Variants in GAS2 observed in about 807,000 individuals in gnomAD.
The protein encoded by GAS2 is growth arrest specific 2.
Under a neutral mutation model 37.5 loss-of-function variants are expected in GAS2, and 20 were observed. That is an observed-to-expected ratio of 0.53 (90% CI 0.37 to 0.77). The LOEUF is 0.77. Ranked by LOEUF, GAS2 falls within the 30% of genes least tolerant of loss-of-function variation. The pLI is 0.00. For missense variants in GAS2, 336 were observed against 373.4 expected, an observed-to-expected ratio of 0.90 and a Z score of 0.82; for synonymous variants, 144 against 132.2, an observed-to-expected ratio of 1.09 and a Z score of -0.61.
chr11:22,645,528 C>A lies in GAS2; in HGVS notation c.-21+19715C>A, dbSNP rs573982943. ...AAAAATATATATATATATACACACA[C>A]ACACACATACATATAAAATATATTT... On this transcript the variant is annotated intron_variant, in intron 1 of 5. Transcript: ENST00000528582. 1.8e-3 allele frequency among the ~76,000 whole-genome samples: 278 copies of A among 152,058 alleles called. 1 individual carries two copies. Among genetic ancestry groups the A allele is most frequent in the African/African-American group, 6.2e-3 (258 of 41,496 alleles).
chr11:22,748,914 G>A (rs1418043905), intron 5 of GAS2, among the ~76,000 whole-genome samples: 25 of 151,944 alleles, frequency 1.6e-4, no homozygotes, highest in Admixed American at 7.2e-4. Context: ...ATATGTACAC[G>A]TATGCATACA....
chr11:22,706,846 A>G (rs1352861144), intron 3 of GAS2, among the ~76,000 whole-genome samples: 2 of 152,094 alleles, frequency 1.3e-5, no homozygotes, highest in East Asian at 3.8e-4. Context: ...TTGGGTATAT[A>G]CCCAGTAATA....
intron 7 of GAS2, among the ~76,000 whole-genome samples, chr11:22,803,294 C>T (rs759509034): frequency 3.4e-4 from 52 of 152,066 alleles, no homozygotes; most frequent in Admixed American, 3.3e-4. Context: ...ACGTTTTCTT[C>T]TGAAATAATT....
chr11:22,637,145 T>TATA (rs1410931708), intron 1 of GAS2, among the ~76,000 whole-genome samples: 2 of 119,154 alleles, frequency 1.7e-5, no homozygotes, highest in Admixed American at 9.0e-5. Context: ...ATTATATCAA[T>TATA]ATATTACTTA....
At chr11:22,766,338 C>T (rs1854693133) in intron 7 of GAS2, among the ~76,000 whole-genome samples, 1 of 151,244 alleles carries the variant, frequency 6.6e-6, no homozygotes, top group African/African-American at 2.4e-5. Context: ...GAGCAAATTG[C>T]TTGTCAGAGA....
chr11:22,653,671 C>A (rs1477340049), intron 1 of GAS2, among the ~76,000 whole-genome samples: 1 of 152,150 alleles, frequency 6.6e-6, no homozygotes, highest in Non-Finnish European at 1.5e-5. Flanking sequence ...ATTAGCAAGA[C>A]CTAGTCTAAG....
chr11:22,733,677 A>G (rs1852598714), intron 4 of GAS2, among the ~76,000 whole-genome samples: 1 of 151,628 alleles, frequency 6.6e-6, no homozygotes. Flanking sequence ...TTTTTTTAAT[A>G]GAATCTAGGT....
At chr11:22,753,943 G>A (rs1853880033) in intron 6 of GAS2, among the ~76,000 whole-genome samples, 2 of 152,104 alleles carry the variant, frequency 1.3e-5, no homozygotes, top group Middle Eastern at 3.4e-3. Context: ...GAAATGATGT[G>A]CTCTTTATTC....
chr11:22,647,380 C>T (rs1267878430), intron 1 of GAS2, among the ~76,000 whole-genome samples: 3 of 152,150 alleles, frequency 2.0e-5, no homozygotes, highest in South Asian at 2.1e-4. Flanking sequence ...CCGCAATAAA[C>T]ATACGTGTGC....
chr11:22,634,379 A>C (rs1187060221), intron 1 of GAS2, among the ~76,000 whole-genome samples: 1 of 152,200 alleles, frequency 6.6e-6, no homozygotes, highest in Non-Finnish European at 1.5e-5. Flanking sequence ...AAACCATATC[A>C]GGAAGAAAAA....
At chr11:22,708,413 C>A (rs1378690244) in intron 3 of GAS2, among the ~76,000 whole-genome samples, 1 of 152,044 alleles carries the variant, frequency 6.6e-6, no homozygotes, top group African/African-American at 2.4e-5. Flanking sequence ...TACCATATGC[C>A]AGTCATTATT....
chr11:22,652,459 C>G (rs890190936), intron 1 of GAS2, among the ~76,000 whole-genome samples: 3 of 152,232 alleles, frequency 2.0e-5, no homozygotes, highest in African/African-American at 7.2e-5. Flanking sequence ...CCAGTTAGAG[C>G]TTCCCGGCTG....
chr11:22,733,449 T>C (rs967737047), intron 4 of GAS2, among the ~76,000 whole-genome samples: 2 of 151,782 alleles, frequency 1.3e-5, no homozygotes, highest in Admixed American at 6.6e-5. Context: ...TCTAGTTATA[T>C]AGAAACCAAA....
At chr11:22,641,549 T>C (rs1290778753) in intron 1 of GAS2, among the ~76,000 whole-genome samples, 2 of 150,310 alleles carry the variant, frequency 1.3e-5, no homozygotes, top group Admixed American at 6.7e-5. Flanking sequence ...GTCCCCCAGA[T>C]TGAGGTAACA....
intron 5 of GAS2, among the ~76,000 whole-genome samples, chr11:22,748,821 T>G (rs1049182897): frequency 6.6e-6 from 1 of 152,094 alleles, no homozygotes; most frequent in African/African-American, 2.4e-5. Flanking sequence ...AAGACCAAAT[T>G]TACATGGTTA....
intron 1 of GAS2, 128 bp downstream of exon 1, chr11:22,667,027 A>G (rs959790662): frequency 1.3e-5 from 2 of 152,250 alleles, no homozygotes; most frequent in Non-Finnish European, 2.9e-5. Context: ...AGAGGTCATT[A>G]AAAAATAACC....
intron 3 of GAS2, among the ~76,000 whole-genome samples, chr11:22,710,843 AT>A (rs1183616818): frequency 1.3e-5 from 2 of 151,966 alleles, no homozygotes; most frequent in East Asian, 3.9e-4. Flanking sequence ...AGTATCATTA[AT>A]TTTTTTTCCT....
chr11:22,786,896 T>C (rs1188390529), intron 7 of GAS2, among the ~76,000 whole-genome samples: 1 of 152,146 alleles, frequency 6.6e-6, no homozygotes, highest in East Asian at 1.9e-4. Context: ...CACTACCCTA[T>C]AGATTCTGAA....
At chr11:22,678,660 A>G (rs965234778) in intron 2 of GAS2, among the ~76,000 whole-genome samples, 2 of 152,088 alleles carry the variant, frequency 1.3e-5, no homozygotes, top group Admixed American at 1.3e-4. Context: ...ATGTTTTTCA[A>G]AAGGAGTTTT....
Sources: gnomAD v4.1 joint callset for allele counts (sites outside exome capture counted in the v4.1 genomes callset) on GRCh38, gnomAD v4.1.1 for gene constraint, MANE v1.5 for transcripts, NCBI Gene and HGNC (gene_info 2026-07-23, HGNC 2026-07-21) for gene names.